Variants in TNS3 observed in about 807,000 individuals in gnomAD.
TNS3 encodes the protein tensin 3, also known as tensin-3.
TNS3 carries 45 observed loss-of-function variants against 140.9 expected under a neutral mutation model. The ratio of observed to expected loss-of-function variants is 0.32; its 90% confidence interval spans 0.25 to 0.41. TNS3 has a LOEUF of 0.41. Ranked by LOEUF, TNS3 falls within the 10% of genes least tolerant of loss-of-function variation. The pLI is 1.00. For synonymous variants in TNS3, 815 were observed against 788.4 expected (o/e 1.03, Z -0.56); for missense variants, 1,716 against 1,906.7 (o/e 0.90, Z 1.86).
chr7:47,509,326 A>G (rs1798525044), intron 2 of TNS3, among the ~76,000 whole-genome samples: 1 of 152,186 alleles, frequency 6.6e-6, no homozygotes, highest in African/African-American at 2.4e-5. Context: ...TGACCCTCAA[A>G]GTTTTACAAA....
At chr7:47,528,974 T>A (rs1799298465) in intron 2 of TNS3, 62 bp downstream of exon 2, 1 of 1,087,330 alleles carries the variant, frequency 9.2e-7, no homozygotes, top group Non-Finnish European at 1.2e-6. Context: ...AAAGTTTTCG[T>A]TTTGTTTCTT....
intron 20 of TNS3, among the ~76,000 whole-genome samples, chr7:47,310,141 G>A (rs1373013955): frequency 6.6e-6 from 1 of 152,226 alleles, no homozygotes; most frequent in Non-Finnish European, 1.5e-5. Context: ...AGGTCTCAGA[G>A]AAATGAGGAC....
chr7:47,453,471 C>T (rs1192561202), intron 4 of TNS3, among the ~76,000 whole-genome samples: 1 of 152,196 alleles, frequency 6.6e-6, no homozygotes, highest in Non-Finnish European at 1.5e-5. Context: ...TTCCTCCCTC[C>T]CTCTTTCCTT....
At chr7:47,573,768 C>T (rs1800612166) in intron 1 of TNS3, among the ~76,000 whole-genome samples, 1 of 152,228 alleles carries the variant, frequency 6.6e-6, no homozygotes, top group Admixed American at 6.5e-5. Context: ...GATGAGTCTG[C>T]CTCCTCCTTG....
At chr7:47,458,667 C>A (rs1296381602) in intron 4 of TNS3, among the ~76,000 whole-genome samples, 7 of 152,190 alleles carry the variant, frequency 4.6e-5, no homozygotes, top group East Asian at 1.9e-4. Flanking sequence ...AACAAGCAGT[C>A]CCCCCATCCC....
chr7:47,281,308 C>A (rs1178910210), intron 28 of TNS3, among the ~76,000 whole-genome samples: 1 of 152,258 alleles, frequency 6.6e-6, no homozygotes, highest in Non-Finnish European at 1.5e-5. Context: ...CTGCCCAGCC[C>A]TTCCTTCCAA....
rs1795137286 is a variant in TNS3 at position 47,435,544 on chromosome 7, G to A, written c.202-140C>T. 3.3e-6 allele frequency: 4 copies of A among 1,201,630 alleles called. No homozygotes were observed. In the East Asian group the frequency reaches 9.5e-5, roughly 29 times the overall value. The allele number at this position is 1,201,630 out of a possible 1,614,324, so 74.4% of individuals were successfully genotyped here. On this transcript the variant is annotated intron_variant, in intron 7 of 30. Transcript: ENST00000311160. ...GGGTGACCCTTTCCTAAAACTCAGTGAGCATGAGGATCAACTTCCTTCACT... is the reference window on the plus strand; with the variant it reads ...GGGTGACCCTTTCCTAAAACTCAGTAAGCATGAGGATCAACTTCCTTCACT...
intron 3 of TNS3, among the ~76,000 whole-genome samples, chr7:47,494,655 T>C (rs1797933223): frequency 6.6e-6 from 1 of 151,818 alleles, no homozygotes; most frequent in African/African-American, 2.4e-5. Context: ...TAATTTGGAG[T>C]TGAGGGTGCA....
intron 24 of TNS3, 96 bp downstream of exon 24, chr7:47,296,986 T>G: frequency 6.8e-7 from 1 of 1,463,990 alleles, no homozygotes; most frequent in Non-Finnish European, 9.2e-7. Flanking sequence ...TTGTGAGTAT[T>G]GTTAAAGTCA....
chr7:47,404,714 G>A (rs575374068), intron 13 of TNS3, among the ~76,000 whole-genome samples: 34 of 152,094 alleles, frequency 2.2e-4, no homozygotes, highest in Non-Finnish European at 4.7e-4. Flanking sequence ...GTGAAACCCC[G>A]TCTTTACTAA....
At chr7:47,393,217 T>C (rs971943430) in intron 16 of TNS3, among the ~76,000 whole-genome samples, 1 of 152,182 alleles carries the variant, frequency 6.6e-6, no homozygotes, top group Non-Finnish European at 1.5e-5. Context: ...ATGGCGGTAA[T>C]TATTCCTTCT....
intron 23 of TNS3, among the ~76,000 whole-genome samples, chr7:47,298,229 G>A (rs1485007571): frequency 6.6e-6 from 1 of 152,228 alleles, no homozygotes; most frequent in Non-Finnish European, 1.5e-5. Flanking sequence ...GTGGCTCCAT[G>A]GCTGATGTGG....
At chr7:47,351,651 T>G (rs1235845693) in intron 17 of TNS3, among the ~76,000 whole-genome samples, 1 of 152,144 alleles carries the variant, frequency 6.6e-6, no homozygotes. Flanking sequence ...GCTGCCTCCC[T>G]TTAACCCGTG....
chr7:47,451,020 G>A (rs552944317), intron 4 of TNS3, among the ~76,000 whole-genome samples: 12 of 152,330 alleles, frequency 7.9e-5, no homozygotes, highest in Non-Finnish European at 4.4e-5. Context: ...TGTAAACCCA[G>A]CTACTTGGGT....
intron 1 of TNS3, among the ~76,000 whole-genome samples, chr7:47,576,836 G>A (rs1027948369): frequency 2.6e-5 from 4 of 152,220 alleles, no homozygotes; most frequent in East Asian, 1.9e-4. Flanking sequence ...ATCCTCCAGC[G>A]AGAAATAATC....
intron 1 of TNS3, among the ~76,000 whole-genome samples, chr7:47,560,334 G>A (rs1338836889): frequency 1.3e-5 from 2 of 152,062 alleles, no homozygotes; most frequent in South Asian, 2.1e-4. Flanking sequence ...ACCAGACACC[G>A]AGGGCCTTGA....
intron 15 of TNS3, among the ~76,000 whole-genome samples, chr7:47,399,093 A>G (rs1793002039): frequency 6.6e-6 from 1 of 151,462 alleles, no homozygotes; most frequent in African/African-American, 2.4e-5. Flanking sequence ...AAAAAAAAAA[A>G]AAAAAAACTA....
intron 1 of TNS3, among the ~76,000 whole-genome samples, chr7:47,546,475 AGGTGGCCCAGGAC>A: frequency 6.6e-6 from 1 of 152,094 alleles, no homozygotes; most frequent in African/African-American, 2.4e-5. Context: ...ACCCCTCCCC[AGGTGGCCCAGGAC>A]GGTGAGGTGC....
chr7:47,496,408 G>C (rs1235770801), intron 3 of TNS3, among the ~76,000 whole-genome samples: 1 of 152,140 alleles, frequency 6.6e-6, no homozygotes, highest in Non-Finnish European at 1.5e-5. Flanking sequence ...AGGTGCTGGA[G>C]CCAAATGGCA....
Sources: allele counts gnomAD v4.1 joint callset (sites outside exome capture counted in the v4.1 genomes callset), GRCh38; gene constraint gnomAD v4.1.1; transcripts MANE v1.5; gene names NCBI Gene and HGNC (gene_info 2026-07-23, HGNC 2026-07-21).